Variants in CFAP299 observed in about 807,000 individuals in gnomAD.
CFAP299 encodes cilia- and flagella-associated protein 299.
Under a neutral mutation model 27.0 loss-of-function variants are expected in CFAP299, and 21 were observed. That is an observed-to-expected ratio of 0.78 (90% confidence interval 0.55 to 1.12). CFAP299 has a LOEUF of 1.12. CFAP299 is among the 50% of genes most tolerant of loss of function. The probability of loss-of-function intolerance (pLI) is 0.00; values close to 1 mark genes in which losing one functional copy is unlikely to be tolerated. For missense variants in CFAP299, 310 were observed against 276.6 expected (o/e 1.12, Z -0.86); for synonymous variants, 104 against 98.1 (o/e 1.06, Z -0.36).
At chr4:80,666,013 A>G (rs1440339555) in intron 3 of CFAP299, among the ~76,000 whole-genome samples, 7 of 152,208 alleles carry the variant, frequency 4.6e-5, no homozygotes, top group African/African-American at 1.2e-4. Flanking sequence ...CTGCAAAACT[A>G]TAAGACAATT....
At chr4:80,415,543 A>G (rs1490538748) in intron 2 of CFAP299, among the ~76,000 whole-genome samples, 2 of 152,168 alleles carry the variant, frequency 1.3e-5, no homozygotes, top group South Asian at 2.1e-4. Flanking sequence ...TATAATTTTC[A>G]TATAAAAATA....
intron 1 of CFAP299, 26 bp downstream of exon 1, chr4:80,335,905 C>A: frequency 7.1e-7 from 1 of 1,411,086 alleles, no homozygotes; most frequent in African/African-American, 1.4e-5. Flanking sequence ...GGCAGAGTAG[C>A]CGCCGCCGCG....
chr4:80,767,822 C>A (rs1338176109), intron 3 of CFAP299, among the ~76,000 whole-genome samples: 1 of 152,112 alleles, frequency 6.6e-6, no homozygotes, highest in Non-Finnish European at 1.5e-5. Flanking sequence ...GACTTTCATT[C>A]TTTTGAGTAA....
chr4:80,387,561 C>A lies in CFAP299; in HGVS notation c.242+24677C>A, dbSNP rs1318654902. 4.2e-6 allele frequency: 4 copies of A among 960,422 alleles called. No homozygotes were observed. In the African/African-American group the frequency reaches 4.8e-5, roughly 12 times the overall value. 59.5% of individuals were successfully genotyped at this position (960,422 alleles called of 1,614,324 possible). Reference sequence around the variant, plus strand: ...ACCCTGTGTTTTCCTCATCCTCCTGCCTACTGGGGTTCAGGGCCAAGACCT... The same window carrying A: ...ACCCTGTGTTTTCCTCATCCTCCTGACTACTGGGGTTCAGGGCCAAGACCT... On this transcript the variant is annotated intron_variant, in intron 2 of 5. Transcript: ENST00000358105.
At chr4:80,420,202 G>A (rs758486908) in intron 2 of CFAP299, 4 of 455,720 alleles carry the variant, frequency 8.8e-6, no homozygotes, top group Admixed American at 2.4e-5. Flanking sequence ...TGTTTCTTTC[G>A]GACTTTTACA....
chr4:80,592,355 A>G (rs1318555219), intron 3 of CFAP299, among the ~76,000 whole-genome samples: 2 of 152,206 alleles, frequency 1.3e-5, no homozygotes, highest in African/African-American at 4.8e-5. Flanking sequence ...ATGCAAAATG[A>G]TAGTACTATT....
intron 2 of CFAP299, among the ~76,000 whole-genome samples, chr4:80,560,647 C>A (rs1734997305): frequency 6.6e-6 from 1 of 152,042 alleles, no homozygotes; most frequent in African/African-American, 2.4e-5. Context: ...AGACCGTGAC[C>A]CTTAAGAGAA....
intron 4 of CFAP299, among the ~76,000 whole-genome samples, chr4:80,929,660 C>T (rs998296267): frequency 4.6e-5 from 7 of 152,148 alleles, no homozygotes; most frequent in Non-Finnish European, 8.8e-5. Context: ...CTAAACTGGT[C>T]CCCTGACTTC....
At chr4:80,352,251 A>G (rs1024906358) in intron 1 of CFAP299, among the ~76,000 whole-genome samples, 1 of 152,188 alleles carries the variant, frequency 6.6e-6, no homozygotes, top group Admixed American at 6.5e-5. Context: ...GTTAGAATAA[A>G]TGTAAGTATG....
chr4:80,449,318 ATTG>A (rs950269610), intron 2 of CFAP299, among the ~76,000 whole-genome samples: 10 of 151,894 alleles, frequency 6.6e-5, no homozygotes, highest in Non-Finnish European at 2.9e-5. Context: ...GAATTTTCAC[ATTG>A]TTATTTCATT....
intron 3 of CFAP299, among the ~76,000 whole-genome samples, chr4:80,753,885 C>T (rs192525331): frequency 6.6e-6 from 1 of 152,166 alleles, no homozygotes; most frequent in East Asian, 1.9e-4. Flanking sequence ...CTAAAATTAC[C>T]CCCCTAAATC....
intron 3 of CFAP299, among the ~76,000 whole-genome samples, chr4:80,805,079 A>G (rs1307414086): frequency 6.6e-6 from 1 of 152,066 alleles, no homozygotes; most frequent in Non-Finnish European, 1.5e-5. Context: ...ATGCATTATT[A>G]TAATTTCCAT....
chr4:80,835,947 G>A (rs1578168449), intron 3 of CFAP299, among the ~76,000 whole-genome samples: 1 of 152,172 alleles, frequency 6.6e-6, no homozygotes, highest in South Asian at 2.1e-4. Flanking sequence ...AGAGATGAGT[G>A]CAAAGTCCTT....
At chr4:80,799,820 T>TATA (rs1728249286) in intron 3 of CFAP299, among the ~76,000 whole-genome samples, 2 of 36,514 alleles carry the variant, frequency 5.5e-5, no homozygotes, top group Admixed American at 1.1e-3. Flanking sequence ...AATATATATA[T>TATA]TATATATATT....
rs375423593 is a variant in CFAP299 at position 80,362,794 on chromosome 4, G to T, written c.152G>T (p.Arg51Leu). ...LARQLVELGY[R>L]GTGERVKRED... ...CGCCAGTTGGTGGAGCTAGGCTACCGAGGGACTGGAGAGAGAGTGAAAAGG... is the reference window on the plus strand; with the variant it reads ...CGCCAGTTGGTGGAGCTAGGCTACCTAGGGACTGGAGAGAGAGTGAAAAGG... Residue 51 changes from arginine to leucine, a missense_variant, in exon 2 of 6, where the codon CGA becomes CTA. Coordinates refer to ENST00000358105, the MANE Select transcript of CFAP299 (RefSeq NM_152770.3). The T allele has an allele frequency of 3.7e-6, 6 of 1,612,778 alleles. No homozygotes were observed. The highest frequency in any genetic ancestry group is 5.1e-6 in the Non-Finnish European group (6 of 1,179,700).
At chr4:80,824,566 C>T (rs1729882224) in intron 3 of CFAP299, among the ~76,000 whole-genome samples, 1 of 152,060 alleles carries the variant, frequency 6.6e-6, no homozygotes, top group African/African-American at 2.4e-5. Flanking sequence ...TTATTTTTCC[C>T]CTTTTTAGAG....
intron 3 of CFAP299, among the ~76,000 whole-genome samples, chr4:80,864,079 T>C (rs141143123): frequency 7.9e-4 from 120 of 152,170 alleles, no homozygotes; most frequent in Non-Finnish European, 1.5e-3. Context: ...TATTCTAAAT[T>C]GGAGTTGTAT....
chr4:80,483,448 C>T (rs1314378762), intron 2 of CFAP299, among the ~76,000 whole-genome samples: 1 of 152,058 alleles, frequency 6.6e-6, no homozygotes, highest in Non-Finnish European at 1.5e-5. Context: ...TCATTCTTAT[C>T]ATTGGATTAT....
At chr4:80,681,153 T>G (rs1042123824) in intron 3 of CFAP299, among the ~76,000 whole-genome samples, 1 of 152,166 alleles carries the variant, frequency 6.6e-6, no homozygotes, top group African/African-American at 2.4e-5. Flanking sequence ...AGCATGATAG[T>G]GTTTTAATCT....
Sources: gnomAD v4.1 joint callset for allele counts (sites outside exome capture counted in the v4.1 genomes callset) on GRCh38, gnomAD v4.1.1 for gene constraint, MANE v1.5 for transcripts, NCBI Gene and HGNC (gene_info 2026-07-23, HGNC 2026-07-21) for gene names.